MTMR14: variants seen among roughly 807,000 people sequenced by gnomAD.
MTMR14 encodes the protein myotubularin related protein 14.
In MTMR14, 48 loss-of-function variants were observed where a neutral mutation model predicts 86.3. That is an observed-to-expected ratio of 0.56 (90% confidence interval 0.44 to 0.71). The LOEUF is 0.71. Among genes scored for constraint, MTMR14 ranks in the 30% least tolerant of loss-of-function variants. The probability of loss-of-function intolerance (pLI) is 0.00; values close to 1 mark genes in which losing one functional copy is unlikely to be tolerated. For synonymous variants in MTMR14, 366 were observed against 326.1 expected (o/e 1.12, Z -1.32); for missense variants, 780 against 834.6 (o/e 0.93, Z 0.81).
chr3:9,685,393 C>T (rs141919937), intron 13 of MTMR14, 146 bp downstream of exon 13: 10,586 of 981,586 alleles, frequency 0.011, 114 homozygotes, highest in South Asian at 0.031. Flanking sequence ...CCTGAGGCAG[C>T]GTGGCAGGAC....
intron 9 of MTMR14, among the ~76,000 whole-genome samples, chr3:9,681,668 G>A (rs965811158): frequency 3.9e-5 from 6 of 152,080 alleles, no homozygotes; most frequent in Admixed American, 6.5e-5. Flanking sequence ...AGTCAGGCAC[G>A]AGCCTTGTTT....
Position 9,690,182 on chromosome 3 carries a change from GCTTTCCCCCTTAATAAGACTGGAGGGT to G in MTMR14, c.1613+41_1613+67del, listed in dbSNP as rs754811487. On this transcript the variant is annotated intron_variant, in intron 17 of 18. Coordinates refer to ENST00000296003, the MANE Select transcript of MTMR14 (RefSeq NM_001077525.3). Reference sequence around the variant, plus strand: ...AAGCCCTTGCTGTTGGAAGTGCCTAGCTTTCCCCCTTAATAAGACTGGAGGGTCGGGGGCCAGCACCTGAGCTAGGGT... The same window carrying G: ...AAGCCCTTGCTGTTGGAAGTGCCTAGCGGGGGCCAGCACCTGAGCTAGGGT... 1.6e-5 allele frequency: 25 copies of G among 1,608,506 alleles called. No individual in the cohort carries two copies. The African/African-American group carries it at 3.1e-4, about 20-fold the overall frequency.
chr3:9,691,063 C>T (rs754455046), intron 17 of MTMR14, among the ~76,000 whole-genome samples: 1 of 152,128 alleles, frequency 6.6e-6, no homozygotes, highest in Non-Finnish European at 1.5e-5. Context: ...ATGGTTTTTC[C>T]CTCTGGGCAA....
chr3:9,651,832 A>ATT (rs745555864), intron 1 of MTMR14, among the ~76,000 whole-genome samples: 10 of 130,930 alleles, frequency 7.6e-5, no homozygotes, highest in Non-Finnish European at 1.5e-4. Flanking sequence ...TGCCTGGCTA[A>ATT]TTTTTTTTTT....
At chr3:9,655,374 A>G (rs1387355690) in intron 2 of MTMR14, among the ~76,000 whole-genome samples, 1 of 151,792 alleles carries the variant, frequency 6.6e-6, no homozygotes, top group African/African-American at 2.4e-5. Flanking sequence ...CTCTATCTCA[A>G]AAAAAAGATG....
At position 9,653,782 on chromosome 3, in the gene MTMR14, T is replaced by G. The variant is rs775793311; in HGVS notation, c.308+13T>G. On this transcript the variant is annotated intron_variant, in intron 2 of 18. Coordinates refer to ENST00000296003, the MANE Select transcript of MTMR14 (RefSeq NM_001077525.3). ...AGGAGAAAGACACGTGAGCATCATG[T>G]GACCGTAGTGTACATGTCTGGGGAG... is the stretch of plus-strand genomic sequence containing the variant. The G allele has an allele frequency of 6.2e-7, 1 of 1,614,174 alleles. No homozygotes were observed. The highest frequency in any genetic ancestry group is 1.1e-5 in the South Asian group (1 of 91,090).
chr3:9,692,779 A>C (rs944237553), intron 17 of MTMR14, among the ~76,000 whole-genome samples: 1 of 151,994 alleles, frequency 6.6e-6, no homozygotes, highest in African/African-American at 2.4e-5. Flanking sequence ...ACAGGGACCA[A>C]CCTCTGCTGC....
chr3:9,651,683 T>C (rs1183211779), intron 1 of MTMR14, among the ~76,000 whole-genome samples: 1 of 152,178 alleles, frequency 6.6e-6, no homozygotes, highest in Admixed American at 6.5e-5. Context: ...ACTTTTTTTT[T>C]CAGAAGGAGT....
intron 2 of MTMR14, among the ~76,000 whole-genome samples, chr3:9,657,801 G>A (rs907324894): frequency 6.6e-6 from 1 of 151,930 alleles, no homozygotes; most frequent in Non-Finnish European, 1.5e-5. Context: ...CACTGGTCTC[G>A]GCCTCCCAAA....
chr3:9,697,901 C>T lies in MTMR14; in HGVS notation c.1769+35C>T, dbSNP rs774487140. The stretch of plus-strand genomic sequence containing the variant: ...TTGCTTGAGAAGGCAGGATGCTCCC[C>T]TGCCCATGGGAAAAGCTGGTGAGCA... On this transcript the variant is annotated intron_variant, in intron 18 of 18. Transcript: ENST00000296003. The T allele has an allele frequency of 2.5e-6, 4 of 1,613,248 alleles. No homozygotes were observed. The East Asian group carries it at 6.7e-5, about 27-fold the overall frequency.
Position 9,702,063 on chromosome 3 carries a change from A to G in MTMR14, c.*90A>G. The G allele has an allele frequency of 1.3e-6, 2 of 1,540,246 alleles. No homozygotes were observed. The highest frequency in any genetic ancestry group is 1.8e-6 in the Non-Finnish European group (2 of 1,121,410). On this transcript the variant is annotated 3_prime_UTR_variant, in exon 19 of 19. Transcript: ENST00000296003. Reference sequence around the variant, plus strand: ...CATGCCTGGCCGAAGGGGTACTTCCAGGTCAGGGGAAATTTCAGTCCCCCA... The same window carrying G: ...CATGCCTGGCCGAAGGGGTACTTCCGGGTCAGGGGAAATTTCAGTCCCCCA...
At chr3:9,662,238 T>C in intron 2 of MTMR14, 29 bp from the exon 3 acceptor site, 1 of 1,598,568 alleles carries the variant, frequency 6.3e-7, no homozygotes, top group South Asian at 1.1e-5. Flanking sequence ...CAAAGTCAGC[T>C]TGACCTGCTT....
At chr3:9,676,499 C>T (rs1010096792) in intron 7 of MTMR14, among the ~76,000 whole-genome samples, 4 of 152,230 alleles carry the variant, frequency 2.6e-5, no homozygotes, top group South Asian at 2.1e-4. Flanking sequence ...CAATAGTGTG[C>T]TGCCATTTGA....
Position 9,684,879 on chromosome 3 carries a change from C to T in MTMR14, c.1051-9C>T. 2 of 1,613,944 alleles carry T rather than the reference C, an allele frequency of 1.2e-6. No individual in the cohort carries two copies. The highest frequency in any genetic ancestry group is 1.7e-6 in the Non-Finnish European group (2 of 1,179,858). ...AGGGCTCTGTCACATCTCCTGTGGT[C>T]TCTTCCAGGATGGGCTCATCCACAC... On this transcript the variant is annotated splice_polypyrimidine_tract_variant and intron_variant, in intron 11 of 18. Coordinates refer to ENST00000296003, the MANE Select transcript of MTMR14 (RefSeq NM_001077525.3).
At chr3:9,690,210 CG>C in intron 17 of MTMR14, 67 bp downstream of exon 17, 1 of 1,555,484 alleles carries the variant, frequency 6.4e-7, no homozygotes, top group Non-Finnish European at 8.8e-7. Context: ...ACTGGAGGGT[CG>C]GGGGCCAGCA....
At chr3:9,684,758 G>A (rs897054176) in intron 11 of MTMR14, 88 bp downstream of exon 11, 19 of 1,548,912 alleles carry the variant, frequency 1.2e-5, no homozygotes, top group Non-Finnish European at 1.5e-5. Context: ...GGATGCCATC[G>A]CTCAGAGCAG....
At chr3:9,651,035 C>T (rs1476248073) in intron 1 of MTMR14, among the ~76,000 whole-genome samples, 1 of 152,146 alleles carries the variant, frequency 6.6e-6, no homozygotes, top group East Asian at 1.9e-4. Flanking sequence ...GGTGATCCGC[C>T]TACCTCAGCC....
At chr3:9,668,940 C>T in intron 4 of MTMR14, 146 bp downstream of exon 4, 3 of 848,782 alleles carry the variant, frequency 3.5e-6, no homozygotes, top group Admixed American at 3.8e-5. Context: ...GAGTTCGAGA[C>T]CATCCTGGCT....
chr3:9,702,383 T>C lies in MTMR14; in HGVS notation c.*410T>C. The C allele has an allele frequency of 3.4e-6, 1 of 294,562 alleles. No individual in the cohort carries two copies. Among genetic ancestry groups the C allele is most frequent in the Non-Finnish European group, 6.7e-6 (1 of 149,682 alleles). The allele number at this position is 294,562 out of a possible 1,614,324, so 18.2% of individuals were successfully genotyped here. ...ATCACAAAATAAAATCAAAGTCTTTTTGAATAGCCACTCTTGTGTCATCAT... is the reference window on the plus strand; with the variant it reads ...ATCACAAAATAAAATCAAAGTCTTTCTGAATAGCCACTCTTGTGTCATCAT... On this transcript the variant is annotated 3_prime_UTR_variant, in exon 19 of 19. Transcript: ENST00000296003.
Sources: allele counts gnomAD v4.1 joint callset (sites outside exome capture counted in the v4.1 genomes callset), GRCh38; gene constraint gnomAD v4.1.1; transcripts MANE v1.5; gene names NCBI Gene and HGNC (gene_info 2026-07-23, HGNC 2026-07-21).